The following C12orf42 variants were observed in gnomAD, a reference collection of about 807,000 sequenced individuals.
C12orf42 encodes uncharacterized protein C12orf42.
C12orf42 carries 25 observed loss-of-function variants against 21.6 expected under a neutral mutation model. The observed-to-expected ratio is 1.16, with a 90% CI of 0.84 to 1.62. C12orf42 has a LOEUF of 1.62. Among genes scored for constraint, C12orf42 ranks in the 40% most tolerant of loss-of-function variants. C12orf42 has a pLI of 0.00. For missense variants in C12orf42, 483 were observed against 459.3 expected (o/e 1.05, Z -0.47); for synonymous variants, 174 against 175.0 (o/e 0.99, Z 0.05).
chr12:103,204,402 A>G, the C12orf42 span, among the ~76,000 whole-genome samples: 2 of 152,160 alleles, frequency 1.3e-5, no homozygotes, highest in Non-Finnish European at 2.9e-5. Context: ...TTCCTCAACT[A>G]CTGAAATGAT....
chr12:103,532,636 T>C, the C12orf42 span, among the ~76,000 whole-genome samples: 83 of 149,888 alleles, frequency 5.5e-4, no homozygotes, highest in Non-Finnish European at 4.4e-4. Context: ...TTTTACTTTG[T>C]TTAATTCTCA....
chr12:103,186,097 A>G, the C12orf42 span, among the ~76,000 whole-genome samples: 1 of 152,188 alleles, frequency 6.6e-6, no homozygotes, highest in South Asian at 2.1e-4. Context: ...AGCTCTGGAC[A>G]TACAAAAGAA....
chr12:103,252,369 ACTGT>A (rs1252700705), intron 10 of C12orf42, among the ~76,000 whole-genome samples: 1 of 152,196 alleles, frequency 6.6e-6, no homozygotes, highest in Non-Finnish European at 1.5e-5. Context: ...GAATTGCCAC[ACTGT>A]CTTCCACAAT....
At chr12:103,436,905 C>T (rs1950768961) in intron 2 of C12orf42, among the ~76,000 whole-genome samples, 1 of 148,056 alleles carries the variant, frequency 6.8e-6, no homozygotes, top group African/African-American at 2.5e-5. Flanking sequence ...CCAAGCAGAC[C>T]TAATAGACAT....
At chr12:103,139,156 T>C in the C12orf42 span, among the ~76,000 whole-genome samples, 1 of 152,220 alleles carries the variant, frequency 6.6e-6, no homozygotes, top group Non-Finnish European at 1.5e-5. Context: ...TAGCCCAAGC[T>C]CTGCCCTTTA....
the C12orf42 span, among the ~76,000 whole-genome samples, chr12:103,100,381 C>T: frequency 2.6e-5 from 4 of 152,166 alleles, no homozygotes; most frequent in Admixed American, 1.3e-4. Context: ...GGGCTCCTGC[C>T]GACACGACCA....
chr12:103,477,564 T>C (rs937978162), intron 2 of C12orf42, among the ~76,000 whole-genome samples: 1 of 152,064 alleles, frequency 6.6e-6, no homozygotes. Context: ...GGATCCAGTA[T>C]AATATAATCC....
chr12:103,550,290 C>A, the C12orf42 span, among the ~76,000 whole-genome samples: 1,712 of 152,168 alleles, frequency 0.011, 33 homozygotes, highest in African/African-American at 0.039. Flanking sequence ...AAACTATACT[C>A]AAAGTCATGG....
chr12:103,116,494 G>C, the C12orf42 span, among the ~76,000 whole-genome samples: 1 of 151,422 alleles, frequency 6.6e-6, no homozygotes, highest in Non-Finnish European at 1.5e-5. Flanking sequence ...AATCTTAGTC[G>C]TTCACTGACA....
At chr12:103,453,041 AG>A (rs1489520263) in intron 2 of C12orf42, among the ~76,000 whole-genome samples, 1 of 151,740 alleles carries the variant, frequency 6.6e-6, no homozygotes, top group African/African-American at 2.4e-5. Flanking sequence ...AAAAAAGAAA[AG>A]GAAATTTTTT....
intron 2 of C12orf42, among the ~76,000 whole-genome samples, chr12:103,426,455 A>G (rs1949817404): frequency 6.6e-6 from 1 of 152,360 alleles, no homozygotes; most frequent in East Asian, 1.9e-4. Flanking sequence ...GAAATATTGG[A>G]CTATGTGAAA....
chr12:103,214,143 A>G, the C12orf42 span, among the ~76,000 whole-genome samples: 1 of 152,180 alleles, frequency 6.6e-6, no homozygotes, highest in African/African-American at 2.4e-5. Context: ...TGTTCCCATC[A>G]AGTTTGAACA....
intron 2 of C12orf42, among the ~76,000 whole-genome samples, chr12:103,420,997 A>C (rs2049845572): frequency 6.6e-6 from 1 of 152,210 alleles, no homozygotes; most frequent in African/African-American, 2.4e-5. Context: ...ATATTTTCAA[A>C]ATCTTTTATT....
chr12:103,532,173 T>G, the C12orf42 span, among the ~76,000 whole-genome samples: 8 of 152,224 alleles, frequency 5.3e-5, no homozygotes, highest in Non-Finnish European at 1.0e-4. Flanking sequence ...TTTAAAGCTA[T>G]ATCTTCTAAC....
intron 4 of C12orf42, among the ~76,000 whole-genome samples, chr12:103,292,829 G>A (rs1050059847): frequency 2.0e-5 from 3 of 151,876 alleles, no homozygotes; most frequent in South Asian, 2.1e-4. Context: ...TATTAAAAAG[G>A]TAAACTTCAA....
chr12:103,211,014 T>C, the C12orf42 span, among the ~76,000 whole-genome samples: 1 of 152,094 alleles, frequency 6.6e-6, no homozygotes, highest in Non-Finnish European at 1.5e-5. Context: ...CTCTCCACCC[T>C]TTTTCCATCT....
the C12orf42 span, among the ~76,000 whole-genome samples, chr12:103,518,938 G>T: frequency 5.5e-3 from 838 of 152,246 alleles, 6 homozygotes; most frequent in Middle Eastern, 0.017. Flanking sequence ...TTGATATGGT[G>T]AGGCTTTGTG....
At chr12:103,322,442 C>G (rs1167202067) in intron 4 of C12orf42, among the ~76,000 whole-genome samples, 3 of 152,044 alleles carry the variant, frequency 2.0e-5, no homozygotes. Flanking sequence ...TTTCATATTT[C>G]ACTGTTTTCA....
downstream of C12orf42, among the ~76,000 whole-genome samples, chr12:103,232,782 T>G (rs749265398): frequency 1.3e-5 from 2 of 152,224 alleles, no homozygotes; most frequent in Non-Finnish European, 2.9e-5. Flanking sequence ...TTAATTAATT[T>G]TAGTAAAAGG....
Sources: allele counts gnomAD v4.1 joint callset (sites outside exome capture counted in the v4.1 genomes callset), GRCh38; gene constraint gnomAD v4.1.1; transcripts MANE v1.5; gene names NCBI Gene and HGNC (gene_info 2026-07-23, HGNC 2026-07-21).